The following TSC22D1 variants were observed in gnomAD, a reference collection of about 807,000 sequenced individuals.
The protein encoded by TSC22D1 is TSC22 domain family member 1, also known as TSC22 domain family protein 1.
Under a neutral mutation model 74.2 loss-of-function variants are expected in TSC22D1, and 9 were observed. The observed-to-expected ratio is 0.12, with a 90% CI of 0.07 to 0.21. TSC22D1 has a LOEUF of 0.21. Among genes scored for constraint, TSC22D1 ranks in the 10% least tolerant of loss-of-function variants. The pLI, the probability that TSC22D1 is intolerant of heterozygous loss-of-function variation, is 1.00. For synonymous variants in TSC22D1, 586 were observed against 492.5 expected (o/e 1.19, Z -2.51); for missense variants, 1,427 against 1,304.7 (o/e 1.09, Z -1.44).
intron 1 of TSC22D1, among the ~76,000 whole-genome samples, chr13:44,490,471 A>T (rs1174705434): frequency 6.6e-6 from 1 of 151,916 alleles, no homozygotes; most frequent in Non-Finnish European, 1.5e-5. Flanking sequence ...TTCAATTTTT[A>T]AAAATAATTC....
At chr13:44,454,864 C>T (rs1595089821) in intron 1 of TSC22D1, among the ~76,000 whole-genome samples, 1 of 152,148 alleles carries the variant, frequency 6.6e-6, no homozygotes, top group Non-Finnish European at 1.5e-5. Context: ...ATAACAGATG[C>T]TGTCATGTTT....
rs771720061 is a variant in TSC22D1, at chr13:44,575,204, T to C, written c.871A>G (p.Thr291Ala). ...SSSGSPASVM[T>A]NMRAPSTTGG... ...GTAGTACTTGGAGCACGCATATTAG[T>C]CATTACAGATGCAGGTGAACCACTG... Residue 291 changes from threonine to alanine, a missense_variant, in exon 1 of 3, where the codon ACT becomes GCT. Around this residue, in one of 3 missense-constraint regions of TSC22D1, gnomAD observed 1,343 missense variants for 1,191.5 expected, o/e 1.13. Transcript: ENST00000458659. 1.2e-6 allele frequency: 2 copies of C among 1,614,056 alleles called. No homozygotes were observed. The highest frequency in any genetic ancestry group is 1.7e-5 in the Admixed American group (1 of 60,028).
At chr13:44,443,899 T>C (rs1875402760) in intron 1 of TSC22D1, among the ~76,000 whole-genome samples, 1 of 151,788 alleles carries the variant, frequency 6.6e-6, no homozygotes, top group South Asian at 2.1e-4. Context: ...CATAGGAAAA[T>C]GTATAATCTA....
At position 44,434,301 on chromosome 13, in the gene TSC22D1, G is replaced by A. The variant is rs1874327930; in HGVS notation, c.*325C>T. ...GGAGAGAGAACCCTTGGAAGTGAGG[G>A]GTAGGGAGCCGGAAGGGATGGAAAG... On this transcript the variant is annotated 3_prime_UTR_variant, in exon 3 of 3. Transcript: ENST00000458659. The A allele has an allele frequency of 2.2e-6, 3 of 1,373,372 alleles. No individual in the cohort carries two copies. Among genetic ancestry groups the A allele is most frequent in the Non-Finnish European group, 2.8e-6 (3 of 1,073,654 alleles). The allele number at this position is 1,373,372 out of a possible 1,614,324, so 85.1% of individuals were successfully genotyped here. A position where few individuals can be genotyped will look rare whatever the true frequency, so the allele number is the denominator to read the frequency against.
In TSC22D1 at chr13:44,573,595, G is replaced by A. The variant is rs1316702998; in HGVS notation, c.2480C>T (p.Ala827Val). The change falls in exon 1 of 3, where the codon GCT (alanine) becomes GTT (valine). Residue 827 changes from alanine (A) to valine (V), a missense_variant. By Grantham distance (64) the Ala-to-Val change is moderately conservative. This residue lies in a region of TSC22D1 where 1,343 missense variants were observed against 1,191.5 expected (regional missense o/e 1.13). Coordinates refer to ENST00000458659, the MANE Select transcript of TSC22D1 (RefSeq NM_183422.4). ...CTGACTTGTAACAGAAATACTACTA[G>A]CAGAGGGCAAAGAACTAACTGCAGG... ...QLPAVSSLPS[A>V]SSISVTSQVS... 1 of 1,614,224 alleles carries A rather than the reference G, an allele frequency of 6.2e-7. No individual in the cohort carries two copies.
intron 1 of TSC22D1, chr13:44,536,807 C>G: frequency 3.0e-6 from 3 of 983,836 alleles, no homozygotes; most frequent in Non-Finnish European, 3.6e-6. Flanking sequence ...GGAAACTAAT[C>G]AGGAAAGATG....
intron 1 of TSC22D1, among the ~76,000 whole-genome samples, chr13:44,442,251 T>A (rs1875262583): frequency 6.6e-6 from 1 of 152,188 alleles, no homozygotes; most frequent in Non-Finnish European, 1.5e-5. Context: ...TAGCATCCAA[T>A]AATTCACAAT....
At position 44,432,464 on chromosome 13, in the gene TSC22D1, A is replaced by G. The variant is rs772609909; in HGVS notation, c.*2162T>C. On this transcript the variant is annotated 3_prime_UTR_variant, in exon 3 of 3. Coordinates refer to ENST00000458659, the MANE Select transcript of TSC22D1 (RefSeq NM_183422.4). Reference sequence around the variant, plus strand: ...TTGAAGTTATATAACCAACAAGCCAATATGAAAGATTTTTCTTTACGTCCT... The same window carrying G: ...TTGAAGTTATATAACCAACAAGCCAGTATGAAAGATTTTTCTTTACGTCCT... 1 of 152,254 alleles carries G rather than the reference A, an allele frequency of 6.6e-6. No individual in the cohort carries two copies. Among genetic ancestry groups the G allele is most frequent in the Non-Finnish European group, 1.5e-5 (1 of 68,040 alleles). 9.4% of individuals were successfully genotyped at this position (152,254 alleles called of 1,614,324 possible).
At chr13:44,526,812 A>G (rs2138054791) in intron 1 of TSC22D1, among the ~76,000 whole-genome samples, 1 of 152,336 alleles carries the variant, frequency 6.6e-6, no homozygotes, top group African/African-American at 2.4e-5. Flanking sequence ...CATTTATGAC[A>G]GACACCAAAT....
In TSC22D1 at chr13:44,433,576, A is replaced by C. The variant is rs1874237934; in HGVS notation, c.*1050T>G. ...GTTGACAAGTGCAACAGTTAAATAC[A>C]GTGACACCTTACAATTGTGTAGAGA... On this transcript the variant is annotated 3_prime_UTR_variant, in exon 3 of 3. Coordinates refer to ENST00000458659, the MANE Select transcript of TSC22D1 (RefSeq NM_183422.4). 6.2e-6 allele frequency: 1 copy of C among 162,574 alleles called. No homozygotes were observed. The highest frequency in any genetic ancestry group is 2.4e-5 in the African/African-American group (1 of 41,856). 10.1% of individuals were successfully genotyped at this position (162,574 alleles called of 1,614,324 possible). A position where few individuals can be genotyped will look rare whatever the true frequency, so the allele number is the denominator to read the frequency against.
intron 1 of TSC22D1, among the ~76,000 whole-genome samples, chr13:44,567,402 A>G (rs1358982494): frequency 2.0e-5 from 3 of 152,194 alleles, no homozygotes; most frequent in Non-Finnish European, 2.9e-5. Flanking sequence ...ACTCTTACAC[A>G]TGACTACCAA....
chr13:44,557,210 C>A (rs1342132445), intron 1 of TSC22D1, among the ~76,000 whole-genome samples: 2 of 151,950 alleles, frequency 1.3e-5, no homozygotes, highest in Admixed American at 1.3e-4. Context: ...CACCTGTAAT[C>A]CCAGCACTTT....
rs761666137 is a variant in TSC22D1 at position 44,574,369 on chromosome 13, G to C, written c.1706C>G (p.Ala569Gly). Reference sequence around the variant, plus strand: ...GATACCAGTTGCAGCACTCATAGTGGCTTGCAGAGGTACTGGCTGAAGACC... The same window carrying C: ...GATACCAGTTGCAGCACTCATAGTGCCTTGCAGAGGTACTGGCTGAAGACC... ...KQGLQPVPLQ[A>G]TMSAATGIQP... Residue 569 changes from alanine to glycine, a missense_variant, in exon 1 of 3, where the codon GCC becomes GGC. Coordinates refer to ENST00000458659, the MANE Select transcript of TSC22D1 (RefSeq NM_183422.4). The C allele has an allele frequency of 1.3e-5, 21 of 1,614,122 alleles. No homozygotes were observed. In the South Asian group the frequency reaches 2.3e-4, roughly 18 times the overall value.
In TSC22D1 at chr13:44,464,500, CT is replaced by C. The variant is rs955920206; in HGVS notation, c.2913-28406del. On this transcript the variant is annotated intron_variant, in intron 1 of 2. Transcript: ENST00000458659. ...ACAGATAGTGACATAGTGATATAGT[CT>C]TTTTTTTTTCCCTATGTTTCTGGAA... is the stretch of plus-strand genomic sequence containing the variant. Among the ~76,000 whole-genome samples, 74 of 149,416 alleles carry C rather than the reference CT, an allele frequency of 5.0e-4. No individual in the cohort carries two copies. The East Asian group carries it at 0.012, about 25-fold the overall frequency.
At chr13:44,442,033 G>C (rs1403741462) in intron 1 of TSC22D1, among the ~76,000 whole-genome samples, 2 of 152,194 alleles carry the variant, frequency 1.3e-5, no homozygotes, top group African/African-American at 4.8e-5. Context: ...ATATTCAGAA[G>C]TATACTGCCT....
rs780785659 is a variant in TSC22D1, at chr13:44,537,598, G to C, written c.2912+35565C>G. Reference sequence around the variant, plus strand: ...GTTCTTCCTAAAACGATGGACAGTTGTTTTTTTTAATTTATATGTGTTTGT... The same window carrying C: ...GTTCTTCCTAAAACGATGGACAGTTCTTTTTTTTAATTTATATGTGTTTGT... On this transcript the variant is annotated intron_variant, in intron 1 of 2. Coordinates refer to ENST00000458659, the MANE Select transcript of TSC22D1 (RefSeq NM_183422.4). 1.2e-5 allele frequency: 12 copies of C among 984,060 alleles called. No homozygotes were observed. In the East Asian group the frequency reaches 1.4e-3, roughly 112 times the overall value. The allele number at this position is 984,060 out of a possible 1,614,324, so 61.0% of individuals were successfully genotyped here.
chr13:44,439,197 G>T (rs1874988248), intron 1 of TSC22D1, among the ~76,000 whole-genome samples: 1 of 152,098 alleles, frequency 6.6e-6, no homozygotes, highest in Non-Finnish European at 1.5e-5. Context: ...TTAATACTTG[G>T]ATATTTTAAA....
chr13:44,533,930 G>A (rs1595142971), intron 1 of TSC22D1, among the ~76,000 whole-genome samples: 1 of 152,180 alleles, frequency 6.6e-6, no homozygotes, highest in South Asian at 2.1e-4. Flanking sequence ...CAAAAGGTAA[G>A]GTGGAATAAA....
chr13:44,462,387 A>C (rs566459962), intron 1 of TSC22D1, among the ~76,000 whole-genome samples: 113 of 152,310 alleles, frequency 7.4e-4, no homozygotes, highest in African/African-American at 2.7e-3. Flanking sequence ...CATTTAATCT[A>C]TTTTATGGAA....
Sources: allele counts gnomAD v4.1 joint callset (sites outside exome capture counted in the v4.1 genomes callset), GRCh38; gene constraint gnomAD v4.1.1; regional missense constraint gnomAD v4.1.1; transcripts MANE v1.5; gene names NCBI Gene and HGNC (gene_info 2026-07-23, HGNC 2026-07-21).